Variants in CSMD2 observed in about 807,000 individuals in gnomAD.
The protein encoded by CSMD2 is CUB and sushi domain-containing protein 2.
CSMD2 carries 130 observed loss-of-function variants against 398.5 expected under a neutral mutation model. That is an observed-to-expected ratio of 0.33 (90% CI 0.28 to 0.38). The LOEUF (loss-of-function observed/expected upper bound fraction) is 0.38, where lower values mean the gene tolerates loss of function less well. Among genes scored for constraint, CSMD2 ranks in the 10% least tolerant of loss-of-function variants. CSMD2 has a pLI of 1.00. For synonymous variants in CSMD2, 1,828 were observed against 1,908.5 expected, an observed-to-expected ratio of 0.96 and a Z score of 1.10; for missense variants, 3,829 against 4,764.9, an observed-to-expected ratio of 0.80 and a Z score of 5.78.
intron 10 of CSMD2, among the ~76,000 whole-genome samples, chr1:33,800,457 T>G (rs528750023): frequency 2.1e-4 from 32 of 152,276 alleles, no homozygotes; most frequent in African/African-American, 7.7e-4. Flanking sequence ...TTGGACTCAT[T>G]CACTTATGGA....
chr1:34,065,314 G>A (rs1345725955), intron 2 of CSMD2, among the ~76,000 whole-genome samples: 1 of 152,132 alleles, frequency 6.6e-6, no homozygotes, highest in Non-Finnish European at 1.5e-5. Context: ...AGATAGGGCC[G>A]AATTGTTGGG....
chr1:33,680,070 G>A (rs989449992), intron 25 of CSMD2, among the ~76,000 whole-genome samples: 14 of 150,420 alleles, frequency 9.3e-5, no homozygotes, highest in South Asian at 4.2e-4. Flanking sequence ...ACAGGTGCCC[G>A]CCACCACGCC....
At chr1:33,561,315 A>T (rs998332290) in intron 53 of CSMD2, among the ~76,000 whole-genome samples, 1 of 152,184 alleles carries the variant, frequency 6.6e-6, no homozygotes, top group African/African-American at 2.4e-5. Flanking sequence ...TGAGATGAGA[A>T]TGAGCTATGA....
intron 41 of CSMD2, chr1:33,606,097 G>T (rs1467421034): frequency 2.1e-6 from 3 of 1,454,394 alleles, no homozygotes; most frequent in Admixed American, 2.8e-5. Flanking sequence ...CATGAGAGTG[G>T]GTGGCCTGAC....
intron 15 of CSMD2, among the ~76,000 whole-genome samples, chr1:33,737,704 A>G (rs1223450453): frequency 6.6e-6 from 1 of 152,186 alleles, no homozygotes; most frequent in Non-Finnish European, 1.5e-5. Context: ...TAGCCTAGTT[A>G]AAAGGCCATT....
chr1:34,026,969 T>G (rs1649732748), intron 3 of CSMD2, among the ~76,000 whole-genome samples: 1 of 151,962 alleles, frequency 6.6e-6, no homozygotes, highest in Non-Finnish European at 1.5e-5. Context: ...AAAATAAAAC[T>G]AAAAGAATAA....
At chr1:34,137,789 T>C (rs1638904062) in intron 1 of CSMD2, among the ~76,000 whole-genome samples, 1 of 152,242 alleles carries the variant, frequency 6.6e-6, no homozygotes, top group Admixed American at 6.5e-5. Flanking sequence ...TGCTTTCTAT[T>C]TGACACCTAA....
At chr1:34,064,875 T>C (rs1405687761) in intron 2 of CSMD2, among the ~76,000 whole-genome samples, 1 of 152,128 alleles carries the variant, frequency 6.6e-6, no homozygotes, top group Non-Finnish European at 1.5e-5. Context: ...CGAAAGGCAC[T>C]TCTTACATGG....
At chr1:33,702,534 C>A (rs1645644052) in intron 22 of CSMD2, among the ~76,000 whole-genome samples, 1 of 151,994 alleles carries the variant, frequency 6.6e-6, no homozygotes, top group Admixed American at 6.6e-5. Context: ...GTCCTTCTAG[C>A]CTTTATTCTA....
At chr1:34,000,781 TTGC>T (rs1228031081) in intron 3 of CSMD2, among the ~76,000 whole-genome samples, 1 of 151,986 alleles carries the variant, frequency 6.6e-6, no homozygotes, top group Non-Finnish European at 1.5e-5. Flanking sequence ...CTCAAAGAAA[TTGC>T]AGAGTTTTTA....
At chr1:33,681,977 CAAACAT>C (rs1644921902) in intron 25 of CSMD2, among the ~76,000 whole-genome samples, 1 of 152,150 alleles carries the variant, frequency 6.6e-6, no homozygotes, top group South Asian at 2.1e-4. Context: ...AACAAACAAA[CAAACAT>C]AAACAAAACC....
intron 1 of CSMD2, among the ~76,000 whole-genome samples, chr1:34,123,757 TC>T (rs1662456263): frequency 6.6e-6 from 1 of 152,100 alleles, no homozygotes; most frequent in African/African-American, 2.4e-5. Flanking sequence ...ACAGAAGTCT[TC>T]CTCTGTATTG....
intron 25 of CSMD2, among the ~76,000 whole-genome samples, chr1:33,670,519 A>G (rs926376375): frequency 6.6e-6 from 1 of 152,090 alleles, no homozygotes; most frequent in Non-Finnish European, 1.5e-5. Flanking sequence ...TTCCTTTACC[A>G]TCCACATCTA....
At chr1:33,706,184 G>A (rs574500705) in intron 22 of CSMD2, among the ~76,000 whole-genome samples, 55 of 152,020 alleles carry the variant, frequency 3.6e-4, no homozygotes, top group Middle Eastern at 3.4e-3. Flanking sequence ...CATTTCCAGC[G>A]GTTTTTATTT....
intron 15 of CSMD2, among the ~76,000 whole-genome samples, chr1:33,732,110 G>T (rs1015123896): frequency 2.0e-5 from 3 of 152,126 alleles, no homozygotes; most frequent in African/African-American, 7.2e-5. Flanking sequence ...ACACATGTCT[G>T]TGTGCGTGCA....
intron 25 of CSMD2, among the ~76,000 whole-genome samples, chr1:33,678,319 A>G (rs1225748935): frequency 5.3e-5 from 8 of 151,760 alleles, no homozygotes; most frequent in Non-Finnish European, 1.2e-4. Context: ...AAATTAAAAA[A>G]AAAAAAAAAG....
At chr1:34,124,686 C>T (rs1175659753) in intron 1 of CSMD2, among the ~76,000 whole-genome samples, 1 of 152,182 alleles carries the variant, frequency 6.6e-6, no homozygotes, top group Non-Finnish European at 1.5e-5. Flanking sequence ...CTTATCATTC[C>T]AAGGTCCCAG....
rs368933637 is a variant in CSMD2, at chr1:33,553,506, A to G, written c.8744-3156T>C. Among the ~76,000 whole-genome samples, 11 of 152,306 alleles carry G rather than the reference A, an allele frequency of 7.2e-5. No homozygotes were observed. In the South Asian group the frequency reaches 2.1e-3, roughly 29 times the overall value. ...CCCCTATTCCCTGAGACCCACCAATATTGAAATTAGGCCAGTTAATAGCCC... is the reference window on the plus strand; with the variant it reads ...CCCCTATTCCCTGAGACCCACCAATGTTGAAATTAGGCCAGTTAATAGCCC... On this transcript the variant is annotated intron_variant, in intron 55 of 70. Coordinates refer to ENST00000373381, the MANE Select transcript of CSMD2 (RefSeq NM_001281956.2).
At chr1:33,572,099 C>A (rs572172026) in intron 50 of CSMD2, among the ~76,000 whole-genome samples, 68 of 152,098 alleles carry the variant, frequency 4.5e-4, no homozygotes, top group African/African-American at 1.5e-3. Context: ...TATAAAGCAC[C>A]GTGTAGGCCA....
Sources: gnomAD v4.1 joint callset for allele counts (sites outside exome capture counted in the v4.1 genomes callset) on GRCh38, gnomAD v4.1.1 for gene constraint, MANE v1.5 for transcripts, NCBI Gene and HGNC (gene_info 2026-07-23, HGNC 2026-07-21) for gene names.